Variants in METTL15 observed in about 807,000 individuals in gnomAD.
METTL15 encodes methyltransferase 15, mitochondrial 12S rRNA N4-cytidine, also known as 12S rRNA N(4)-cytidine methyltransferase METTL15.
METTL15 carries 34 observed loss-of-function variants against 38.3 expected under a neutral mutation model. That is an observed-to-expected ratio of 0.89 (90% CI 0.68 to 1.18). METTL15 has a LOEUF of 1.18. Among genes scored for constraint, METTL15 ranks in the 50% most tolerant of loss-of-function variants. The pLI is 0.00. For synonymous variants in METTL15, 162 were observed against 170.9 expected (o/e 0.95, Z 0.41); for missense variants, 438 against 498.4 (o/e 0.88, Z 1.15).
chr11:28,359,157 C>G (rs981262839), intron 4 of METTL15, among the ~76,000 whole-genome samples: 1 of 152,112 alleles, frequency 6.6e-6, no homozygotes, highest in Non-Finnish European at 1.5e-5. Context: ...AATGTTTACC[C>G]CTCACTTAGA....
Position 28,290,476 on chromosome 11 carries a change from C to A in METTL15, c.599+79C>A, listed in dbSNP as rs905622272. The A allele has an allele frequency of 3.3e-5, 46 of 1,376,830 alleles. No individual in the cohort carries two copies. The African/African-American group carries it at 5.7e-4, about 17-fold the overall frequency. 85.3% of individuals were successfully genotyped at this position (1,376,830 alleles called of 1,614,324 possible). A position where few individuals can be genotyped will look rare whatever the true frequency, so the allele number is the denominator to read the frequency against. ...CACTCTGAATTTAATTTTTTTAAGA[C>A]TACAGAATTTCCATTACATGCCTAC... On this transcript the variant is annotated intron_variant, in intron 5 of 6. Coordinates refer to ENST00000407364, the MANE Select transcript of METTL15 (RefSeq NM_001113528.2).
chr11:28,136,337 A>C (rs1021488176), intron 3 of METTL15, among the ~76,000 whole-genome samples: 1 of 152,126 alleles, frequency 6.6e-6, no homozygotes, highest in East Asian at 1.9e-4. Flanking sequence ...TGATGGTTTT[A>C]TAAATGGGAG....
chr11:28,392,269 C>A (rs1270159224), intron 5 of METTL15, among the ~76,000 whole-genome samples: 1 of 151,962 alleles, frequency 6.6e-6, no homozygotes, highest in African/African-American at 2.4e-5. Flanking sequence ...ATCAGAAATA[C>A]CCTGAAAAGC....
At chr11:28,285,370 T>G (rs1476106863) in intron 4 of METTL15, among the ~76,000 whole-genome samples, 41 of 152,018 alleles carry the variant, frequency 2.7e-4, no homozygotes, top group Admixed American at 2.7e-3. Context: ...AGATTTTTTT[T>G]TTTTTTTAGC....
At chr11:28,409,022 T>C (rs1197420893) in intron 5 of METTL15, among the ~76,000 whole-genome samples, 2 of 152,208 alleles carry the variant, frequency 1.3e-5, no homozygotes, top group Non-Finnish European at 2.9e-5. Context: ...CGTTCTTTTT[T>C]AGTACATATG....
In METTL15 at chr11:28,331,699, A is replaced by G. The variant is rs571824861; in HGVS notation, c.*858A>G. 1.3e-5 allele frequency: 2 copies of G among 152,324 alleles called. No individual in the cohort carries two copies. Among genetic ancestry groups the G allele is most frequent in the African/African-American group, 4.8e-5 (2 of 41,592 alleles). The allele number at this position is 152,324 out of a possible 1,614,324, so 9.4% of individuals were successfully genotyped here. A position where few individuals can be genotyped will look rare whatever the true frequency, so the allele number is the denominator to read the frequency against. On this transcript the variant is annotated 3_prime_UTR_variant, in exon 7 of 7. Transcript: ENST00000407364. ...TTAATGTTGTTACAAAGATATGGTAACTGTAATATGGGTAAAAGTTTATTC... is the reference window on the plus strand; with the variant it reads ...TTAATGTTGTTACAAAGATATGGTAGCTGTAATATGGGTAAAAGTTTATTC...
chr11:28,205,361 T>G (rs904775714), intron 3 of METTL15, among the ~76,000 whole-genome samples: 34 of 151,540 alleles, frequency 2.2e-4, no homozygotes, highest in African/African-American at 8.2e-4. Flanking sequence ...GCAGTGTTTG[T>G]TTTTTTGTTC....
chr11:28,229,060 A>G (rs1049920118), intron 4 of METTL15, among the ~76,000 whole-genome samples: 7 of 151,916 alleles, frequency 4.6e-5, no homozygotes, highest in African/African-American at 1.2e-4. Flanking sequence ...ATACCTTTAA[A>G]ATGAGGTACT....
At chr11:28,335,881 A>T (rs1849896415), downstream of METTL15, among the ~76,000 whole-genome samples, 1 of 152,152 alleles carries the variant, frequency 6.6e-6, no homozygotes. Flanking sequence ...TTTATAAATT[A>T]CCCAGCCTTG....
rs548768749 is a variant in METTL15 at position 28,230,557 on chromosome 11, G to C, written c.407+19359G>C. 2.0e-5 allele frequency among the ~76,000 whole-genome samples: 3 copies of C among 151,942 alleles called. No individual in the cohort carries two copies. The South Asian group carries it at 6.2e-4, about 32-fold the overall frequency. The stretch of plus-strand genomic sequence containing the variant: ...ATCTTGGGTAAATAATACATATTTA[G>C]AGACATATTTTATTACATATGAGAA... On this transcript the variant is annotated intron_variant, in intron 4 of 6. Transcript: ENST00000407364.
intron 4 of METTL15, among the ~76,000 whole-genome samples, chr11:28,218,816 T>A (rs1284699798): frequency 6.6e-6 from 1 of 152,182 alleles, no homozygotes; most frequent in Non-Finnish European, 1.5e-5. Context: ...ATTGAGATAA[T>A]CATGTGGTTT....
chr11:28,400,577 C>A (rs543137555), intron 5 of METTL15, among the ~76,000 whole-genome samples: 62 of 151,976 alleles, frequency 4.1e-4, no homozygotes, highest in Non-Finnish European at 7.2e-4. Flanking sequence ...GTCTGAGTTC[C>A]CCCCATCCCT....
At chr11:28,418,581 C>G (rs1850793249) in intron 5 of METTL15, among the ~76,000 whole-genome samples, 1 of 152,156 alleles carries the variant, frequency 6.6e-6, no homozygotes, top group Non-Finnish European at 1.5e-5. Context: ...AATTTAACAA[C>G]TGTCTATACA....
intron 6 of METTL15, among the ~76,000 whole-genome samples, chr11:28,470,007 G>A (rs568999120): frequency 2.0e-5 from 3 of 149,534 alleles, no homozygotes; most frequent in Non-Finnish European, 4.5e-5. Flanking sequence ...GAAAAGTCAT[G>A]CACAAACTAC....
chr11:28,524,077 C>A (rs1011412798), intron 6 of METTL15, among the ~76,000 whole-genome samples: 1 of 152,214 alleles, frequency 6.6e-6, no homozygotes, highest in Non-Finnish European at 1.5e-5. Context: ...GTTGGAAAAA[C>A]TCAGAATAAT....
At chr11:28,439,403 G>A (rs888460904) in intron 6 of METTL15, among the ~76,000 whole-genome samples, 34 of 152,212 alleles carry the variant, frequency 2.2e-4, no homozygotes, top group African/African-American at 8.2e-4. Context: ...AAATGAAAGG[G>A]TTACGCAGGA....
intron 5 of METTL15, among the ~76,000 whole-genome samples, chr11:28,411,843 C>G (rs1380421654): frequency 6.6e-6 from 1 of 152,048 alleles, no homozygotes; most frequent in Non-Finnish European, 1.5e-5. Context: ...AGCCACTTAT[C>G]TGATGAGGGG....
At chr11:28,401,942 A>AT (rs1171741650) in intron 5 of METTL15, among the ~76,000 whole-genome samples, 8 of 152,040 alleles carry the variant, frequency 5.3e-5, no homozygotes, top group African/African-American at 1.9e-4. Context: ...TTAGTGACTT[A>AT]TTTTTTTCCT....
chr11:28,324,812 A>C (rs1375024098), intron 6 of METTL15, among the ~76,000 whole-genome samples: 3 of 152,162 alleles, frequency 2.0e-5, no homozygotes, highest in African/African-American at 7.2e-5. Context: ...CGAGGTCTGA[A>C]GGGAGTGGGT....
Sources: gnomAD v4.1 joint callset for allele counts (sites outside exome capture counted in the v4.1 genomes callset) on GRCh38, gnomAD v4.1.1 for gene constraint, MANE v1.5 for transcripts, NCBI Gene and HGNC (gene_info 2026-07-23, HGNC 2026-07-21) for gene names.